Variants in LGSN observed in about 807,000 individuals in gnomAD.
LGSN encodes lengsin, lens protein with glutamine synthetase domain.
A neutral mutation model predicts 19.5 loss-of-function variants in LGSN; 21 were observed. That is an observed-to-expected ratio of 1.07 (90% CI 0.76 to 1.55). LGSN has a LOEUF of 1.55. LGSN is among the 40% of genes most tolerant of loss of function. The probability of loss-of-function intolerance (pLI) is 0.00; values close to 1 mark genes in which losing one functional copy is unlikely to be tolerated. For synonymous variants in LGSN, 257 were observed against 215.6 expected, an observed-to-expected ratio of 1.19 and a Z score of -1.68; for missense variants, 673 against 608.5, an observed-to-expected ratio of 1.11 and a Z score of -1.12.
At chr6:63,505,828 T>G in the LGSN span, among the ~76,000 whole-genome samples, 1 of 152,012 alleles carries the variant, frequency 6.6e-6, no homozygotes, top group Admixed American at 6.5e-5. Flanking sequence ...CCCGGCTAAT[T>G]TTTGTATTTT....
the LGSN span, among the ~76,000 whole-genome samples, chr6:63,388,646 G>T: frequency 6.6e-6 from 1 of 152,182 alleles, no homozygotes; most frequent in African/African-American, 2.4e-5. Context: ...CTAGGCTCCA[G>T]AACTGTGAAG....
At chr6:63,414,375 G>C in the LGSN span, among the ~76,000 whole-genome samples, 5 of 152,006 alleles carry the variant, frequency 3.3e-5, no homozygotes, top group Non-Finnish European at 2.9e-5. Flanking sequence ...TTTCAGTTTT[G>C]TTAGATGAAA....
the LGSN span, among the ~76,000 whole-genome samples, chr6:63,565,264 A>C: frequency 6.6e-5 from 10 of 152,228 alleles, no homozygotes; most frequent in East Asian, 1.9e-3. Flanking sequence ...AAGCTCCTAC[A>C]GAAGTAAATA....
the LGSN span, among the ~76,000 whole-genome samples, chr6:63,510,463 T>C: frequency 6.6e-6 from 1 of 151,392 alleles, no homozygotes. Context: ...TTTTTTTTTT[T>C]TTTTTTTTAG....
intron 2 of LGSN, among the ~76,000 whole-genome samples, chr6:63,288,396 G>A (rs1183782379): frequency 6.6e-6 from 1 of 151,554 alleles, no homozygotes; most frequent in Non-Finnish European, 1.5e-5. Context: ...ATGATGTGGG[G>A]CAAGTATAGA....
intron 1 of LGSN, among the ~76,000 whole-genome samples, chr6:63,316,189 G>A (rs1300708296): frequency 6.6e-6 from 1 of 152,220 alleles, no homozygotes; most frequent in East Asian, 1.9e-4. Flanking sequence ...CTAGACCTAA[G>A]TTGGCAGATT....
chr6:63,402,894 G>GA, the LGSN span, among the ~76,000 whole-genome samples: 1 of 151,672 alleles, frequency 6.6e-6, no homozygotes, highest in Non-Finnish European at 1.5e-5. Context: ...GAAGTTCTTA[G>GA]AAAAAAACTG....
chr6:63,312,230 T>C (rs1178167712), intron 1 of LGSN, among the ~76,000 whole-genome samples: 3 of 152,194 alleles, frequency 2.0e-5, no homozygotes, highest in African/African-American at 7.2e-5. Context: ...TTCTATATCT[T>C]AGCTATTGTG....
chr6:63,442,968 T>C, the LGSN span, among the ~76,000 whole-genome samples: 1 of 152,144 alleles, frequency 6.6e-6, no homozygotes, highest in East Asian at 1.9e-4. Flanking sequence ...CCTCAACCCT[T>C]GGCGATGGGA....
At chr6:63,353,503 A>C in the LGSN span, among the ~76,000 whole-genome samples, 1 of 151,176 alleles carries the variant, frequency 6.6e-6, no homozygotes, top group African/African-American at 2.4e-5. Context: ...GAAGTTTTCT[A>C]CTATACTCTT....
the LGSN span, chr6:63,443,517 A>C: frequency 4.9e-6 from 3 of 608,592 alleles, no homozygotes; most frequent in Non-Finnish European, 6.6e-6. Flanking sequence ...CGTGAACACC[A>C]TCTGTGACAA....
the LGSN span, among the ~76,000 whole-genome samples, chr6:63,485,084 C>T: frequency 2.0e-5 from 3 of 151,656 alleles, no homozygotes; most frequent in Admixed American, 6.6e-5. Flanking sequence ...AGGTTTGTTA[C>T]ATAGGTAAAC....
chr6:63,478,331 G>A, the LGSN span, among the ~76,000 whole-genome samples: 3 of 152,164 alleles, frequency 2.0e-5, no homozygotes, highest in African/African-American at 7.2e-5. Context: ...CAGAAAGTAC[G>A]TTAGTGGTTG....
the LGSN span, among the ~76,000 whole-genome samples, chr6:63,470,403 G>A: frequency 4.6e-5 from 7 of 151,970 alleles, no homozygotes; most frequent in South Asian, 2.1e-4. Flanking sequence ...GAACCCAGGC[G>A]GCGGAGGTTG....
chr6:63,433,177 G>C, the LGSN span, among the ~76,000 whole-genome samples: 1 of 151,880 alleles, frequency 6.6e-6, no homozygotes, highest in African/African-American at 2.4e-5. Flanking sequence ...TGGGGGGGTG[G>C]TAAATAACAA....
chr6:63,352,646 C>G, the LGSN span, among the ~76,000 whole-genome samples: 1 of 151,670 alleles, frequency 6.6e-6, no homozygotes, highest in Non-Finnish European at 1.5e-5. Flanking sequence ...GTCTCTCTCT[C>G]TCTCTCTTCC....
At chr6:63,391,156 T>C in the LGSN span, among the ~76,000 whole-genome samples, 1 of 152,190 alleles carries the variant, frequency 6.6e-6, no homozygotes, top group African/African-American at 2.4e-5. Context: ...TTAAAAAATA[T>C]GATAATGGAG....
the LGSN span, among the ~76,000 whole-genome samples, chr6:63,336,919 T>A: frequency 1.4e-5 from 2 of 141,930 alleles, no homozygotes; most frequent in African/African-American, 5.3e-5. Flanking sequence ...ATGACATTCC[T>A]TTCTTTTCTT....
At chr6:63,380,824 C>T in the LGSN span, among the ~76,000 whole-genome samples, 1 of 151,482 alleles carries the variant, frequency 6.6e-6, no homozygotes, top group African/African-American at 2.4e-5. Flanking sequence ...ATATGGAAAC[C>T]CTATTTGGAA....
Sources: allele counts gnomAD v4.1 joint callset (sites outside exome capture counted in the v4.1 genomes callset), GRCh38; gene constraint gnomAD v4.1.1; transcripts MANE v1.5; gene names NCBI Gene and HGNC (gene_info 2026-07-23, HGNC 2026-07-21).